Variants in NEMP2 observed in about 807,000 individuals in gnomAD.
The protein encoded by NEMP2 is UPF0571 transmembrane protein.
In NEMP2, 53 loss-of-function variants were observed where a neutral mutation model predicts 54.2. The ratio of observed to expected loss-of-function variants is 0.98; its 90% CI spans 0.78 to 1.23. NEMP2 has a LOEUF of 1.23. Among genes scored for constraint, NEMP2 ranks in the 50% most tolerant of loss-of-function variants. The pLI is 0.00. For synonymous variants in NEMP2, 197 were observed against 190.3 expected, an observed-to-expected ratio of 1.04 and a Z score of -0.29; for missense variants, 455 against 511.3, an observed-to-expected ratio of 0.89 and a Z score of 1.06.
chr2:190,562,589 T>C, the NEMP2 span, among the ~76,000 whole-genome samples: 1 of 152,188 alleles, frequency 6.6e-6, no homozygotes. This position sits in a 1 kb window ranked among gnomAD's most constrained non-coding sequence, Gnocchi z 5.0. Context: ...CCTTTTAAGC[T>C]CTCTAAGTAT....
At chr2:190,606,977 G>A in the NEMP2 span, among the ~76,000 whole-genome samples, 1 of 152,144 alleles carries the variant, frequency 6.6e-6, no homozygotes, top group Non-Finnish European at 1.5e-5. Flanking sequence ...AATGCAGGGA[G>A]GAAGACTTGA....
chr2:190,491,806 A>G, the NEMP2 span, among the ~76,000 whole-genome samples: 125 of 152,330 alleles, frequency 8.2e-4, no homozygotes, highest in Non-Finnish European at 1.5e-3. This position sits in a 1 kb window ranked among gnomAD's most constrained non-coding sequence, Gnocchi z 4.2. Context: ...CAAACCAAGA[A>G]GAAATCTCTG....
the NEMP2 span, chr2:190,609,332 T>G: frequency 6.6e-6 from 1 of 152,200 alleles, no homozygotes; most frequent in Non-Finnish European, 1.5e-5. The surrounding 1 kb of genome is among the most constrained non-coding windows in gnomAD (Gnocchi z 4.7). Flanking sequence ...TTAATCTAAA[T>G]GGGTCTAGGT....
In NEMP2 at chr2:190,506,612, T is replaced by C. The variant is rs1690193021; in HGVS notation, c.*2577A>G. 1 of 152,220 alleles carries C rather than the reference T, an allele frequency of 6.6e-6. No individual in the cohort carries two copies. Among genetic ancestry groups the C allele is most frequent in the African/African-American group, 2.4e-5 (1 of 41,444 alleles). The allele number at this position is 152,220 out of a possible 1,614,324, so 9.4% of individuals were successfully genotyped here. On this transcript the variant is annotated 3_prime_UTR_variant, in exon 9 of 9. Transcript: ENST00000409150. This position sits in a 1 kb window ranked among gnomAD's most constrained non-coding sequence, Gnocchi z 6.3. ...TTCCCCTGTAATTCAGCCCTAGGTA[T>C]TACTGGCAAACCATACAACTAATTC...
the NEMP2 span, among the ~76,000 whole-genome samples, chr2:190,448,914 C>T: frequency 6.6e-6 from 1 of 152,122 alleles, no homozygotes; most frequent in East Asian, 1.9e-4. Flanking sequence ...TCAATATAAC[C>T]GTCCTCCTGT....
the NEMP2 span, among the ~76,000 whole-genome samples, chr2:190,462,786 ACTGTCAGCC>A: frequency 2.6e-5 from 4 of 152,192 alleles, no homozygotes; most frequent in Admixed American, 1.3e-4. This position sits in a 1 kb window ranked among gnomAD's most constrained non-coding sequence, Gnocchi z 5.7. Flanking sequence ...GGAGAGAGAT[ACTGTCAGCC>A]CTGCTACTTC....
the NEMP2 span, among the ~76,000 whole-genome samples, chr2:190,459,130 C>CT: frequency 2.6e-5 from 4 of 152,158 alleles, no homozygotes; most frequent in Non-Finnish European, 5.9e-5. This position sits in a 1 kb window ranked among gnomAD's most constrained non-coding sequence, Gnocchi z 5.3. Context: ...TCCAAGACTC[C>CT]TTTTTTCCTC....
chr2:190,623,831 A>T, the NEMP2 span, among the ~76,000 whole-genome samples: 5 of 152,206 alleles, frequency 3.3e-5, no homozygotes, highest in African/African-American at 4.8e-5. Context: ...ATCAAGTTTT[A>T]AAAAAACACA....
chr2:190,597,699 C>T, the NEMP2 span, among the ~76,000 whole-genome samples: 1 of 151,982 alleles, frequency 6.6e-6, no homozygotes, highest in Non-Finnish European at 1.5e-5. This position sits in a 1 kb window ranked among gnomAD's most constrained non-coding sequence, Gnocchi z 4.7. Context: ...GTTCTAAAAC[C>T]TTGGAATAAA....
chr2:190,454,887 C>T, the NEMP2 span, among the ~76,000 whole-genome samples: 17 of 151,338 alleles, frequency 1.1e-4, no homozygotes, highest in African/African-American at 3.4e-4. The surrounding 1 kb of genome is among the most constrained non-coding windows in gnomAD (Gnocchi z 4.6). Flanking sequence ...AGTCCGGCAA[C>T]GGCAAACTTG....
chr2:190,463,958 G>A, the NEMP2 span: 1 of 902,414 alleles, frequency 1.1e-6, no homozygotes, highest in Non-Finnish European at 1.3e-6. The surrounding 1 kb of genome is among the most constrained non-coding windows in gnomAD (Gnocchi z 4.4). Flanking sequence ...TGTGCTCCAG[G>A]GATCTGGTGT....
At chr2:190,547,187 C>T in the NEMP2 span, among the ~76,000 whole-genome samples, 1 of 152,136 alleles carries the variant, frequency 6.6e-6, no homozygotes, top group African/African-American at 2.4e-5. This position sits in a 1 kb window ranked among gnomAD's most constrained non-coding sequence, Gnocchi z 6.2. Context: ...TATTTTTAAA[C>T]TTTATAGTGG....
the NEMP2 span, among the ~76,000 whole-genome samples, chr2:190,476,754 C>T: frequency 1.3e-5 from 2 of 152,112 alleles, no homozygotes; most frequent in African/African-American, 2.4e-5. Context: ...CACATGCACA[C>T]ATATGTTTAT....
chr2:190,454,525 CTTTCTTT>C, the NEMP2 span: 41 of 152,186 alleles, frequency 2.7e-4, no homozygotes, highest in Admixed American at 1.6e-3. The surrounding 1 kb of genome is among the most constrained non-coding windows in gnomAD (Gnocchi z 4.6). Flanking sequence ...CTCTTTTTCT[CTTTCTTT>C]ACCCTTCCCT....
At position 190,504,720 on chromosome 2, in the gene NEMP2, A is replaced by G. The variant is rs1391328931; in HGVS notation, c.*4469T>C. On this transcript the variant is annotated 3_prime_UTR_variant, in exon 9 of 9. Coordinates refer to ENST00000409150, the MANE Select transcript of NEMP2 (RefSeq NM_001142645.2). This position sits in a 1 kb window ranked among gnomAD's most constrained non-coding sequence, Gnocchi z 5.6. ...TCTCCAATAGTCAGTGTAGGATGCT[A>G]TTCTTTTAAATTGTAAACTTACATT... 6.6e-6 allele frequency: 1 copy of G among 152,202 alleles called. No homozygotes were observed. The highest frequency in any genetic ancestry group is 2.4e-5 in the African/African-American group (1 of 41,444). 9.4% of individuals were successfully genotyped at this position (152,202 alleles called of 1,614,324 possible).
the NEMP2 span, chr2:190,489,769 G>A: frequency 6.2e-7 from 1 of 1,613,684 alleles, no homozygotes; most frequent in African/African-American, 1.3e-5. This position sits in a 1 kb window ranked among gnomAD's most constrained non-coding sequence, Gnocchi z 6.6. Flanking sequence ...TTTTTATAGG[G>A]GCTGCTGCAA....
the NEMP2 span, among the ~76,000 whole-genome samples, chr2:190,437,766 A>G: frequency 6.6e-6 from 1 of 152,192 alleles, no homozygotes; most frequent in Admixed American, 6.5e-5. The surrounding 1 kb of genome is among the most constrained non-coding windows in gnomAD (Gnocchi z 5.9). Context: ...ATCTCAAATA[A>G]ACAAAGAATG....
intron 2 of NEMP2, among the ~76,000 whole-genome samples, chr2:190,524,529 C>T (rs1690863561): frequency 6.6e-6 from 1 of 152,136 alleles, no homozygotes; most frequent in Non-Finnish European, 1.5e-5. Context: ...CCTAGAACAC[C>T]CTTCCCCCCA....
chr2:190,636,225 C>T, the NEMP2 span, among the ~76,000 whole-genome samples: 3 of 152,198 alleles, frequency 2.0e-5, no homozygotes, highest in African/African-American at 4.8e-5. Flanking sequence ...AATGGATGAG[C>T]TCTGCTCACA....
Sources: gnomAD v4.1 joint callset for allele counts (sites outside exome capture counted in the v4.1 genomes callset) on GRCh38, gnomAD v4.1.1 for gene constraint, Gnocchi (gnomAD v3.1) non-coding constraint, MANE v1.5 for transcripts, NCBI Gene and HGNC (gene_info 2026-07-23, HGNC 2026-07-21) for gene names.